PDZRN3: variants seen among roughly 807,000 people sequenced by gnomAD.
PDZRN3 encodes the protein PDZ domain containing ring finger 3, also known as E3 ubiquitin-protein ligase PDZRN3.
A neutral mutation model predicts 85.7 loss-of-function variants in PDZRN3; 38 were observed. The ratio of observed to expected loss-of-function variants is 0.44; its 90% CI spans 0.34 to 0.58. The LOEUF (loss-of-function observed/expected upper bound fraction) is 0.58. Among genes scored for constraint, PDZRN3 ranks in the 20% least tolerant of loss-of-function variants. The probability of loss-of-function intolerance (pLI) is 0.01; values close to 1 mark genes in which losing one functional copy is unlikely to be tolerated. For synonymous variants in PDZRN3, 759 were observed against 638.0 expected, an observed-to-expected ratio of 1.19 and a Z score of -2.86; for missense variants, 1,629 against 1,506.4, an observed-to-expected ratio of 1.08 and a Z score of -1.35.
chr3:73,439,362 A>G (rs1192764445), intron 3 of PDZRN3, among the ~76,000 whole-genome samples: 1 of 152,214 alleles, frequency 6.6e-6, no homozygotes, highest in Non-Finnish European at 1.5e-5. Context: ...TGTAGACCTA[A>G]AAGAATCACT....
At chr3:73,449,367 A>G (rs1337710725) in intron 3 of PDZRN3, among the ~76,000 whole-genome samples, 1 of 145,616 alleles carries the variant, frequency 6.9e-6, no homozygotes, top group Admixed American at 6.9e-5. Flanking sequence ...ATCAGTCTTT[A>G]AAAAAAAAAA....
chr3:73,542,635 G>A (rs867967767), intron 3 of PDZRN3, among the ~76,000 whole-genome samples: 21 of 152,008 alleles, frequency 1.4e-4, no homozygotes, highest in African/African-American at 3.9e-4. Context: ...TTAGCTGGGC[G>A]TGGTGGCAGG....
At chr3:73,617,139 C>T (rs1312751945) in intron 1 of PDZRN3, among the ~76,000 whole-genome samples, 2 of 152,214 alleles carry the variant, frequency 1.3e-5, no homozygotes, top group Admixed American at 6.5e-5. Context: ...CTCTTCTCTG[C>T]ACACACACTG....
chr3:73,533,950 ATTT>A (rs1032317989), intron 3 of PDZRN3, among the ~76,000 whole-genome samples: 2 of 150,592 alleles, frequency 1.3e-5, no homozygotes, highest in Non-Finnish European at 3.0e-5. Context: ...TCCTTTCTTC[ATTT>A]TTTATCACTT....
chr3:73,604,288 T>G (rs999215744), intron 2 of PDZRN3, among the ~76,000 whole-genome samples: 13 of 152,224 alleles, frequency 8.5e-5, no homozygotes, highest in Non-Finnish European at 1.5e-5. Flanking sequence ...AGCAGCTTCC[T>G]TTACTGAGCA....
At chr3:73,435,167 C>T (rs1559678183) in intron 3 of PDZRN3, among the ~76,000 whole-genome samples, 1 of 152,160 alleles carries the variant, frequency 6.6e-6, no homozygotes, top group South Asian at 2.1e-4. Context: ...ATAAACCAGT[C>T]CCAATAAAAT....
intron 3 of PDZRN3, chr3:73,556,756 C>T (rs990155585): frequency 1.3e-5 from 2 of 152,252 alleles, no homozygotes; most frequent in African/African-American, 4.8e-5. Flanking sequence ...GGCAGCAAGT[C>T]AACTGCAGCA....
At chr3:73,487,101 C>T (rs2106648691) in intron 3 of PDZRN3, among the ~76,000 whole-genome samples, 1 of 152,184 alleles carries the variant, frequency 6.6e-6, no homozygotes, top group East Asian at 1.9e-4. Flanking sequence ...AATAAAAAAT[C>T]CACAATATTA....
chr3:73,583,369 C>T (rs1362226493), intron 3 of PDZRN3, among the ~76,000 whole-genome samples: 1 of 152,190 alleles, frequency 6.6e-6, no homozygotes, highest in Non-Finnish European at 1.5e-5. Context: ...CCTACATAAG[C>T]ACTTCTGTGG....
chr3:73,497,928 A>G (rs1197209260), intron 3 of PDZRN3, among the ~76,000 whole-genome samples: 1 of 152,078 alleles, frequency 6.6e-6, no homozygotes, highest in African/African-American at 2.4e-5. Context: ...CTTTAGGTAT[A>G]GTATGCTGAT....
intron 3 of PDZRN3, among the ~76,000 whole-genome samples, chr3:73,592,858 TCAA>T (rs1278473362): frequency 6.6e-6 from 1 of 152,186 alleles, no homozygotes; most frequent in Non-Finnish European, 1.5e-5. Context: ...TTTCTGATTG[TCAA>T]CACTCTTTCC....
intron 5 of PDZRN3, among the ~76,000 whole-genome samples, chr3:73,395,359 A>G (rs190815871): frequency 6.6e-6 from 1 of 152,378 alleles, no homozygotes; most frequent in East Asian, 1.9e-4. Flanking sequence ...TCAAACTGGT[A>G]TGAATAATGT....
At chr3:73,525,788 C>G (rs907989801) in intron 3 of PDZRN3, among the ~76,000 whole-genome samples, 1 of 152,152 alleles carries the variant, frequency 6.6e-6, no homozygotes, top group African/African-American at 2.4e-5. Flanking sequence ...ACCCCCTCAG[C>G]GAGGGCTTCC....
At chr3:73,433,925 C>T (rs1027010886) in intron 3 of PDZRN3, 19 of 1,417,000 alleles carry the variant, frequency 1.3e-5, no homozygotes, top group Middle Eastern at 2.6e-4. Flanking sequence ...CATGCACGCG[C>T]GTGCACACAC....
chr3:73,449,376 A>G (rs1345369641), intron 3 of PDZRN3, among the ~76,000 whole-genome samples: 1 of 151,992 alleles, frequency 6.6e-6, no homozygotes, highest in Non-Finnish European at 1.5e-5. Flanking sequence ...TAAAAAAAAA[A>G]AGAGAGAGAG....
At chr3:73,582,341 A>G (rs1407103683) in intron 3 of PDZRN3, among the ~76,000 whole-genome samples, 2 of 152,182 alleles carry the variant, frequency 1.3e-5, no homozygotes, top group African/African-American at 4.8e-5. Flanking sequence ...ATTGAATAAA[A>G]TATTTCTTTT....
At position 73,624,683 on chromosome 3, in the gene PDZRN3, T is replaced by C. The variant is rs777885372; in HGVS notation, c.143A>G (p.Gln48Arg). Reference sequence around the variant, plus strand: ...GCAGCGCGCCGGGCAGCTGCCCTCCTGCACCACCCAGGGCAGCACGCAGCC... The same window carrying C: ...GCAGCGCGCCGGGCAGCTGCCCTCCCGCACCACCCAGGGCAGCACGCAGCC... ...CAGCVLPWVV[Q>R]EGSCPARCRG... The change falls in exon 1 of 10, where the codon CAG becomes CGG. Residue 48 changes from glutamine (Q) to arginine (R), a missense_variant. Gln to Arg is a conservative substitution (Grantham distance 43). Transcript: ENST00000263666. 3 of 1,516,978 alleles carry C rather than the reference T, an allele frequency of 2.0e-6. No homozygotes were observed. The highest frequency in any genetic ancestry group is 2.4e-5 in the South Asian group (2 of 81,714). The allele number at this position is 1,516,978 out of a possible 1,614,324, so 94.0% of individuals were successfully genotyped here.
chr3:73,485,975 T>C (rs1703653670), intron 3 of PDZRN3, among the ~76,000 whole-genome samples: 1 of 152,218 alleles, frequency 6.6e-6, no homozygotes, highest in African/African-American at 2.4e-5. Context: ...TTCCAATTTC[T>C]TTAAGTGAAT....
At chr3:73,433,253 A>G (rs1702467143) in intron 3 of PDZRN3, among the ~76,000 whole-genome samples, 1 of 152,244 alleles carries the variant, frequency 6.6e-6, no homozygotes, top group African/African-American at 2.4e-5. Context: ...ATTTGTAAAC[A>G]CAGACAAAAC....
Sources: gnomAD v4.1 joint callset for allele counts (sites outside exome capture counted in the v4.1 genomes callset) on GRCh38, gnomAD v4.1.1 for gene constraint, MANE v1.5 for transcripts, NCBI Gene and HGNC (gene_info 2026-07-23, HGNC 2026-07-21) for gene names.